Variants in COL23A1 observed in about 807,000 individuals in gnomAD.
COL23A1 encodes collagen alpha-1(XXIII) chain.
Under a neutral mutation model 99.3 loss-of-function variants are expected in COL23A1, and 97 were observed. The observed-to-expected ratio is 0.98, with a 90% CI of 0.83 to 1.16. The LOEUF (loss-of-function observed/expected upper bound fraction) is 1.16, where lower values mean the gene tolerates loss of function less well. COL23A1 is among the 50% of genes most tolerant of loss of function. The probability of loss-of-function intolerance (pLI) is 0.00; values close to 1 mark genes in which losing one functional copy is unlikely to be tolerated. For synonymous variants in COL23A1, 320 were observed against 308.2 expected, an observed-to-expected ratio of 1.04 and a Z score of -0.40; for missense variants, 762 against 757.4, an observed-to-expected ratio of 1.01 and a Z score of -0.07.
intron 2 of COL23A1, among the ~76,000 whole-genome samples, chr5:178,445,903 T>A (rs568242213): frequency 6.7e-4 from 102 of 152,236 alleles, no homozygotes; most frequent in African/African-American, 2.3e-3. Context: ...AAGATTAATA[T>A]CTTCCATGTG....
chr5:178,555,602 C>T (rs1181422031), intron 2 of COL23A1, among the ~76,000 whole-genome samples: 1 of 152,170 alleles, frequency 6.6e-6, no homozygotes, highest in Non-Finnish European at 1.5e-5. Flanking sequence ...TTTATTAGTG[C>T]AGGGTGATCA....
chr5:178,525,827 G>A (rs1760273067), intron 2 of COL23A1, among the ~76,000 whole-genome samples: 1 of 152,250 alleles, frequency 6.6e-6, no homozygotes, highest in Non-Finnish European at 1.5e-5. Context: ...GAAAAATGAA[G>A]ATCAGGTAAA....
chr5:178,486,480 C>T (rs902461707), intron 2 of COL23A1, among the ~76,000 whole-genome samples: 4 of 152,104 alleles, frequency 2.6e-5, no homozygotes, highest in South Asian at 4.1e-4. Flanking sequence ...TGACAAGACA[C>T]GGCCGTTAGC....
chr5:178,498,222 A>ATATATATATATATATATATATATT (rs1758308321), intron 2 of COL23A1, among the ~76,000 whole-genome samples: 1 of 83,208 alleles, frequency 1.2e-5, no homozygotes, highest in African/African-American at 6.0e-5. Flanking sequence ...ATATATATAT[A>ATATATATATATATATATATATATT]TATATATATA....
chr5:178,331,671 G>A (rs547736432), intron 2 of COL23A1, among the ~76,000 whole-genome samples: 2 of 152,152 alleles, frequency 1.3e-5, no homozygotes, highest in South Asian at 4.1e-4. Flanking sequence ...AGACACATGC[G>A]CCTGGCTTCT....
intron 2 of COL23A1, among the ~76,000 whole-genome samples, chr5:178,497,778 T>C (rs1324108596): frequency 6.6e-6 from 1 of 152,118 alleles, no homozygotes; most frequent in African/African-American, 2.4e-5. Context: ...GAAGAATTAA[T>C]GAACTGGAAC....
intron 2 of COL23A1, among the ~76,000 whole-genome samples, chr5:178,557,106 C>T (rs1377313163): frequency 6.6e-6 from 1 of 152,204 alleles, no homozygotes; most frequent in Non-Finnish European, 1.5e-5. Flanking sequence ...GTCCCTCCCA[C>T]ACCCCTCCAT....
At chr5:178,416,469 G>A (rs981059981) in intron 2 of COL23A1, among the ~76,000 whole-genome samples, 3 of 152,204 alleles carry the variant, frequency 2.0e-5, no homozygotes, top group Non-Finnish European at 4.4e-5. Context: ...GCTGCTGGGA[G>A]TGAGCCCGGA....
intron 2 of COL23A1, among the ~76,000 whole-genome samples, chr5:178,359,048 G>C (rs1762035898): frequency 6.6e-6 from 1 of 152,202 alleles, no homozygotes; most frequent in African/African-American, 2.4e-5. Context: ...GATCTATAAA[G>C]ACAGAAAGCA....
chr5:178,283,025 C>T (rs888546095), intron 5 of COL23A1, among the ~76,000 whole-genome samples: 1 of 152,092 alleles, frequency 6.6e-6, no homozygotes, highest in Non-Finnish European at 1.5e-5. Flanking sequence ...CATGTACCAC[C>T]ACACCTGGCT....
At chr5:178,570,860 G>C (rs1204905417) in intron 1 of COL23A1, among the ~76,000 whole-genome samples, 1 of 151,744 alleles carries the variant, frequency 6.6e-6, no homozygotes, top group African/African-American at 2.4e-5. Flanking sequence ...GGACTGGAGA[G>C]ATGAAAGCCA....
At chr5:178,461,869 T>C (rs1019457309) in intron 2 of COL23A1, among the ~76,000 whole-genome samples, 4 of 152,160 alleles carry the variant, frequency 2.6e-5, no homozygotes, top group African/African-American at 4.8e-5. Flanking sequence ...GGGGTGCAAA[T>C]TGGAGAACAC....
At chr5:178,460,041 G>C (rs1395707121) in intron 2 of COL23A1, among the ~76,000 whole-genome samples, 2 of 152,108 alleles carry the variant, frequency 1.3e-5, no homozygotes, top group Non-Finnish European at 2.9e-5. Flanking sequence ...TTATGTGTAT[G>C]CCTTAGTTTA....
intron 2 of COL23A1, among the ~76,000 whole-genome samples, chr5:178,546,073 T>C (rs1293610878): frequency 6.7e-6 from 1 of 149,328 alleles, no homozygotes; most frequent in African/African-American, 2.5e-5. Flanking sequence ...GCCCGGGAGG[T>C]GCTCACCCTA....
At chr5:178,374,156 TCA>T (rs1762948170) in intron 2 of COL23A1, among the ~76,000 whole-genome samples, 1 of 152,160 alleles carries the variant, frequency 6.6e-6, no homozygotes, top group Non-Finnish European at 1.5e-5. Flanking sequence ...GCTGAATAGA[TCA>T]CAGAGTAATG....
chr5:178,501,710 C>G (rs911733220), intron 2 of COL23A1, among the ~76,000 whole-genome samples: 8 of 152,238 alleles, frequency 5.3e-5, no homozygotes, highest in African/African-American at 1.9e-4. Flanking sequence ...GGTACGCCAA[C>G]ACCCCTGCTG....
At chr5:178,320,436 G>A (rs1048540409) in intron 2 of COL23A1, among the ~76,000 whole-genome samples, 2 of 152,194 alleles carry the variant, frequency 1.3e-5, no homozygotes, top group Non-Finnish European at 2.9e-5. Context: ...ACAGCCCTGC[G>A]TCCCCTCACC....
chr5:178,374,757 A>C (rs7708400), intron 2 of COL23A1, among the ~76,000 whole-genome samples: 2,613 of 152,286 alleles, frequency 0.017, 80 homozygotes, highest in African/African-American at 0.06. Flanking sequence ...TGGAACCCTC[A>C]TACATGGCTG....
chr5:178,560,588 C>A, intron 2 of COL23A1, 94 bp downstream of exon 2: 1 of 1,136,570 alleles, frequency 8.8e-7, no homozygotes, highest in East Asian at 2.5e-5. Context: ...CAGCCTGACA[C>A]CCCAGTCCAC....
Sources: gnomAD v4.1 joint callset for allele counts (sites outside exome capture counted in the v4.1 genomes callset) on GRCh38, gnomAD v4.1.1 for gene constraint, MANE v1.5 for transcripts, NCBI Gene and HGNC (gene_info 2026-07-23, HGNC 2026-07-21) for gene names.